NRXN3: variants seen among roughly 807,000 people sequenced by gnomAD.
NRXN3 encodes the protein neurexin III.
NRXN3 carries 32 observed loss-of-function variants against 137.6 expected under a neutral mutation model. The observed-to-expected ratio is 0.23, with a 90% CI of 0.18 to 0.31. NRXN3 has a LOEUF of 0.31. NRXN3 is among the 10% of genes least tolerant of loss of function. The pLI is 1.00. For synonymous variants in NRXN3, 798 were observed against 784.5 expected (o/e 1.02, Z -0.29); for missense variants, 1,574 against 2,062.5 (o/e 0.76, Z 4.59).
intron 17 of NRXN3, among the ~76,000 whole-genome samples, chr14:79,680,300 G>T (rs1393530109): frequency 1.3e-5 from 2 of 152,116 alleles, no homozygotes; most frequent in Admixed American, 6.6e-5. Context: ...CGGGAAAATT[G>T]CTTGAGCCCA....
intron 16 of NRXN3, among the ~76,000 whole-genome samples, chr14:79,549,001 T>A (rs1481348584): frequency 3.9e-5 from 6 of 151,998 alleles, no homozygotes; most frequent in Non-Finnish European, 8.8e-5. Flanking sequence ...GCAGGTTAGG[T>A]CCATGGGAGA....
At chr14:79,627,474 G>T (rs2098295279) in intron 16 of NRXN3, among the ~76,000 whole-genome samples, 1 of 152,162 alleles carries the variant, frequency 6.6e-6, no homozygotes, top group South Asian at 2.1e-4. Context: ...TAACAAGAAT[G>T]AATAAGCCAT....
intron 4 of NRXN3, among the ~76,000 whole-genome samples, chr14:78,488,808 T>A (rs545085368): frequency 8.8e-6 from 1 of 113,326 alleles, no homozygotes; most frequent in African/African-American, 3.5e-5. Flanking sequence ...GAGGAGGAGA[T>A]AAAGGAGGAG....
Position 78,764,710 on chromosome 14 carries a change from G to A in NRXN3, c.2045-38910G>A, listed in dbSNP as rs1445152349. 3.3e-5 allele frequency among the ~76,000 whole-genome samples: 5 copies of A among 152,302 alleles called. No individual in the cohort carries two copies. The South Asian group carries it at 6.2e-4, about 19-fold the overall frequency. On this transcript the variant is annotated intron_variant, in intron 8 of 20. Transcript: ENST00000335750. Reference sequence around the variant, plus strand: ...AAAAGCAGCTTAGCAGAGGGGAAATGCGTGGTCATTTCCTGAATGTAAAAA... The same window carrying A: ...AAAAGCAGCTTAGCAGAGGGGAAATACGTGGTCATTTCCTGAATGTAAAAA...
intron 15 of NRXN3, among the ~76,000 whole-genome samples, chr14:79,059,918 T>C (rs1365003517): frequency 6.6e-6 from 1 of 152,168 alleles, no homozygotes; most frequent in Non-Finnish European, 1.5e-5. Flanking sequence ...CTTCCCAATA[T>C]CCATACAAAT....
At chr14:79,412,444 G>C (rs1333050845) in intron 15 of NRXN3, among the ~76,000 whole-genome samples, 1 of 151,976 alleles carries the variant, frequency 6.6e-6, no homozygotes, top group East Asian at 1.9e-4. Context: ...AAGATTCTGA[G>C]ATCTAGGGGC....
At chr14:78,711,523 A>G (rs1226153882) in intron 7 of NRXN3, among the ~76,000 whole-genome samples, 2 of 145,094 alleles carry the variant, frequency 1.4e-5, no homozygotes, top group African/African-American at 5.3e-5. Flanking sequence ...CTCACTGCAA[A>G]CTCTACCTTC....
intron 19 of NRXN3, among the ~76,000 whole-genome samples, chr14:79,790,115 TA>T (rs2099140581): frequency 6.6e-6 from 1 of 152,198 alleles, no homozygotes; most frequent in Non-Finnish European, 1.5e-5. Context: ...TCTATTACTA[TA>T]AAATAAACTT....
intron 6 of NRXN3, among the ~76,000 whole-genome samples, chr14:78,701,740 A>G (rs57396923): frequency 0.037 from 5,694 of 152,278 alleles, 354 homozygotes; most frequent in African/African-American, 0.13. Flanking sequence ...TCAACATTGT[A>G]CTATTGATTT....
chr14:78,542,282 A>T (rs1202950446), intron 4 of NRXN3, among the ~76,000 whole-genome samples: 1 of 152,226 alleles, frequency 6.6e-6, no homozygotes, highest in Non-Finnish European at 1.5e-5. Context: ...CCCATAGCTG[A>T]TGTGGAGTGT....
intron 16 of NRXN3, among the ~76,000 whole-genome samples, chr14:79,631,406 T>C (rs1024338017): frequency 7.9e-5 from 12 of 152,342 alleles, no homozygotes; most frequent in Admixed American, 7.2e-4. Context: ...GGGGCCCCTC[T>C]CTGGGGCTGG....
intron 15 of NRXN3, among the ~76,000 whole-genome samples, chr14:79,135,885 G>A (rs1047171934): frequency 6.6e-6 from 1 of 152,172 alleles, no homozygotes; most frequent in African/African-American, 2.4e-5. Context: ...ACTGAGCCTT[G>A]ACATGAAACT....
intron 1 of NRXN3, among the ~76,000 whole-genome samples, chr14:78,189,734 C>T (rs533681421): frequency 2.4e-4 from 36 of 152,220 alleles, no homozygotes; most frequent in Non-Finnish European, 4.4e-4. Context: ...TACAGGCATG[C>T]GCCACCACAC....
At chr14:79,123,723 G>A (rs1279344336) in intron 15 of NRXN3, among the ~76,000 whole-genome samples, 1 of 152,152 alleles carries the variant, frequency 6.6e-6, no homozygotes, top group Admixed American at 6.5e-5. Context: ...GCTCTATCTT[G>A]GAGGCTGGGA....
chr14:78,290,743 A>T (rs1204219891), intron 3 of NRXN3, among the ~76,000 whole-genome samples: 4 of 152,030 alleles, frequency 2.6e-5, no homozygotes, highest in Non-Finnish European at 5.9e-5. Context: ...CCTCCTGCCC[A>T]TGGTGGCAGA....
At chr14:79,772,182 A>C (rs1246122272) in intron 19 of NRXN3, among the ~76,000 whole-genome samples, 2 of 152,144 alleles carry the variant, frequency 1.3e-5, no homozygotes, top group Admixed American at 1.3e-4. Flanking sequence ...AATCAATATC[A>C]TGAAAATGGC....
intron 4 of NRXN3, among the ~76,000 whole-genome samples, chr14:78,633,128 G>A (rs564881968): frequency 6.6e-6 from 1 of 151,544 alleles, no homozygotes; most frequent in East Asian, 1.9e-4. Context: ...GGTGGCGGGT[G>A]CCTGTAGTCC....
At chr14:78,367,961 C>A (rs8003391) in intron 4 of NRXN3, among the ~76,000 whole-genome samples, 151,786 of 152,332 alleles carry the variant, frequency 1, 75,626 homozygotes, top group Middle Eastern at 1. Flanking sequence ...CTGGGGGATG[C>A]CTTTAAAAGG....
chr14:78,419,812 T>G (rs528158212), intron 4 of NRXN3, among the ~76,000 whole-genome samples: 1 of 152,314 alleles, frequency 6.6e-6, no homozygotes, highest in South Asian at 2.1e-4. Context: ...CACCATGTCT[T>G]GGCACTGACA....
Sources: allele counts gnomAD v4.1 joint callset (sites outside exome capture counted in the v4.1 genomes callset), GRCh38; gene constraint gnomAD v4.1.1; transcripts MANE v1.5; gene names NCBI Gene and HGNC (gene_info 2026-07-23, HGNC 2026-07-21).